Variants in BMP1 observed in about 807,000 individuals in gnomAD.
BMP1 encodes mammalian tolloid protein.
BMP1 carries 63 observed loss-of-function variants against 116.8 expected under a neutral mutation model. That is an observed-to-expected ratio of 0.54 (90% CI 0.44 to 0.67). The LOEUF is 0.67. Among genes scored for constraint, BMP1 ranks in the 30% least tolerant of loss-of-function variants. The pLI is 0.00. For synonymous variants in BMP1, 536 were observed against 533.4 expected, an observed-to-expected ratio of 1.00 and a Z score of -0.07; for missense variants, 1,183 against 1,358.9, an observed-to-expected ratio of 0.87 and a Z score of 2.04.
intron 8 of BMP1, 42 bp downstream of exon 8, chr8:22,180,525 G>A: frequency 6.4e-7 from 1 of 1,570,380 alleles, no homozygotes; most frequent in East Asian, 2.2e-5. Context: ...CTCCCCTGCG[G>A]GTCCCCATAC....
chr8:22,176,976 G>T lies in BMP1; in HGVS notation c.567G>T (p.Val189=). 4 of 1,611,280 alleles carry T rather than the reference G, an allele frequency of 2.5e-6. No individual in the cohort carries two copies. The highest frequency in any genetic ancestry group is 2.2e-5 in the South Asian group (2 of 90,802). ...CGCCCTCCAGGTGCTGCTCCTACGT[G>T]GGTCGCCGCGGCGGGGGCCCCCAGG... ...TYRPCGCCSY[V]GRRGGGPQAI... is the part of the protein sequence containing the mutation. The change falls in exon 5 of 20, where the codon GTG becomes GTT. Residue 189 remains valine, a synonymous_variant. Coordinates refer to ENST00000306385, the MANE Select transcript of BMP1 (RefSeq NM_006129.5).
intron 2 of BMP1, 127 bp downstream of exon 2, chr8:22,173,842 G>A (rs1207508276): frequency 5.0e-6 from 3 of 602,050 alleles, no homozygotes; most frequent in Non-Finnish European, 8.5e-6. Context: ...CCCAGCACAT[G>A]GGTCTATCTT....
At chr8:22,182,413 G>C (rs1469219507) in intron 8 of BMP1, among the ~76,000 whole-genome samples, 1 of 152,202 alleles carries the variant, frequency 6.6e-6, no homozygotes, top group Non-Finnish European at 1.5e-5. Flanking sequence ...CACCAGTTAT[G>C]ATGCCACTTA....
chr8:22,195,817 T>A (rs1033875431), intron 13 of BMP1, among the ~76,000 whole-genome samples: 16 of 152,132 alleles, frequency 1.1e-4, no homozygotes, highest in East Asian at 3.9e-4. Flanking sequence ...TGGCTAATTT[T>A]AAAATTTTTT....
Position 22,173,680 on chromosome 8 carries a change from G to A in BMP1, c.227G>A (p.Arg76Gln), listed in dbSNP as rs757507781. The A allele has an allele frequency of 1.5e-5, 24 of 1,613,454 alleles. No individual in the cohort carries two copies. Among genetic ancestry groups the A allele is most frequent in the South Asian group, 1.1e-4 (10 of 91,044 alleles). Residue 76 changes from arginine (R) to glutamine (Q), a missense_variant, in exon 2 of 20, where the codon CGG (arginine) becomes CAG (glutamine). By Grantham distance (43) the Arg-to-Gln change is conservative (BLOSUM62 1). Around this residue, in one of 4 missense-constraint regions of BMP1, gnomAD observed 185 missense variants for 158.9 expected, o/e 1.16. Coordinates refer to ENST00000306385, the MANE Select transcript of BMP1 (RefSeq NM_006129.5). The stretch of plus-strand genomic sequence containing the variant: ...GTACAGCAGGCTGTGGATCTCAGAC[G>A]GCACACAGCTCGTAAGTCCTCCATC... ...FQVQQAVDLR[R>Q]HTARKSSIKA...
At chr8:22,198,919 C>T in intron 15 of BMP1, 6 of 1,218,468 alleles carry the variant, frequency 4.9e-6, no homozygotes, top group Non-Finnish European at 6.3e-6. Context: ...AAGAGGTGCT[C>T]ACCAGAGGGT....
chr8:22,199,369 G>A (rs1190433855), intron 15 of BMP1: 1 of 1,304,248 alleles, frequency 7.7e-7, no homozygotes, highest in Non-Finnish European at 1.0e-6. Flanking sequence ...CACCTTCCGG[G>A]GCATTTGGGC....
intron 19 of BMP1, among the ~76,000 whole-genome samples, chr8:22,210,462 T>TCACACACA (rs1472007247): frequency 4.4e-5 from 4 of 90,974 alleles, no homozygotes; most frequent in East Asian, 4.6e-4. Flanking sequence ...TCTCTCTCTC[T>TCACACACA]CTCTCTCACA....
chr8:22,207,680 G>A (rs1410215622), intron 18 of BMP1, among the ~76,000 whole-genome samples, 164 bp downstream of exon 18: 1 of 152,174 alleles, frequency 6.6e-6, no homozygotes, highest in African/African-American at 2.4e-5. Flanking sequence ...CCAGGCCTGG[G>A]GGGCAGGGAT....
At chr8:22,165,580 C>A (rs1412244330) in intron 1 of BMP1, 27 bp downstream of exon 1, 1 of 1,549,318 alleles carries the variant, frequency 6.5e-7, no homozygotes, top group East Asian at 2.6e-5. Flanking sequence ...CCCCCGGCGA[C>A]GGGCCAGGCG....
intron 6 of BMP1, 48 bp downstream of exon 6, chr8:22,178,005 T>A: frequency 6.9e-7 from 1 of 1,450,132 alleles, no homozygotes; most frequent in Non-Finnish European, 9.5e-7. Context: ...AGCCCCACCC[T>A]GCCCTCTGTA....
intron 7 of BMP1, among the ~76,000 whole-genome samples, chr8:22,180,046 G>T (rs573254186): frequency 3.9e-5 from 6 of 152,256 alleles, no homozygotes; most frequent in African/African-American, 1.4e-4. Context: ...ACCTTCTGAG[G>T]GTCTGTAGGG....
chr8:22,195,603 C>G lies in BMP1; in HGVS notation c.1765+16C>G, dbSNP rs933193328. The G allele has an allele frequency of 6.2e-7, 1 of 1,608,368 alleles. No individual in the cohort carries two copies. Among genetic ancestry groups the G allele is most frequent in the South Asian group, 1.1e-5 (1 of 90,538 alleles). On this transcript the variant is annotated intron_variant, in intron 13 of 19. Transcript: ENST00000306385. ...CGCTGTGAGGGTGAGTGCCCCCAGA[C>G]TGCCTCTGACCCTGTTCTTTCCCTG...
At chr8:22,169,236 T>G (rs1014557602) in intron 1 of BMP1, 1 of 151,758 alleles carries the variant, frequency 6.6e-6, no homozygotes, top group Non-Finnish European at 1.5e-5. Context: ...GGAGAAGATA[T>G]TGCGGTCGGG....
chr8:22,196,075 C>T (rs757339685), intron 13 of BMP1: 7 of 408,808 alleles, frequency 1.7e-5, no homozygotes, highest in East Asian at 1.4e-4. Context: ...CCCCGTAGGC[C>T]GCATTCTGGC....
At chr8:22,170,254 C>T (rs1342220940) in intron 1 of BMP1, 3 of 152,504 alleles carry the variant, frequency 2.0e-5, no homozygotes, top group Non-Finnish European at 4.4e-5. Context: ...ACCAGGGTTT[C>T]ACTCAAGGAG....
rs1340897357 is a variant in BMP1 at position 22,180,405 on chromosome 8, C to T, written c.999C>T (p.Phe333=). 6.2e-7 allele frequency: 1 copy of T among 1,613,950 alleles called. No individual in the cohort carries two copies. The highest frequency in any genetic ancestry group is 1.3e-5 in the African/African-American group (1 of 74,916). The part of the protein sequence containing the change: ...GETLQDSTGN[F]SSPEYPNGYS... ...CCCTGCAAGACAGCACAGGCAACTT[C>T]TCCTCCCCTGAATACCCCAATGGCT... is the stretch of plus-strand genomic sequence containing the variant. Residue 333 remains phenylalanine (F), a synonymous_variant, in exon 8 of 20, where the codon TTC becomes TTT. Coordinates refer to ENST00000306385, the MANE Select transcript of BMP1 (RefSeq NM_006129.5).
At chr8:22,187,565 G>A (rs1007575948) in intron 8 of BMP1, among the ~76,000 whole-genome samples, 2 of 136,568 alleles carry the variant, frequency 1.5e-5, no homozygotes, top group African/African-American at 5.6e-5. Context: ...TAGCCAGCAT[G>A]GTCTCGATCT....
chr8:22,189,346 C>T (rs1316538845), intron 8 of BMP1, among the ~76,000 whole-genome samples: 1 of 151,746 alleles, frequency 6.6e-6, no homozygotes, highest in Non-Finnish European at 1.5e-5. Flanking sequence ...AGCACTCAGT[C>T]ATTTTTATGG....
Sources: gnomAD v4.1 joint callset for allele counts (sites outside exome capture counted in the v4.1 genomes callset) on GRCh38, gnomAD v4.1.1 for gene constraint, gnomAD v4.1.1 regional missense constraint, MANE v1.5 for transcripts, NCBI Gene and HGNC (gene_info 2026-07-23, HGNC 2026-07-21) for gene names.